RAB3GAP2: variants seen among roughly 807,000 people sequenced by gnomAD.
RAB3GAP2 encodes rab3 GTPase-activating protein non-catalytic subunit.
A neutral mutation model predicts 185.3 loss-of-function variants in RAB3GAP2; 87 were observed. The observed-to-expected ratio is 0.47, with a 90% CI of 0.39 to 0.56. RAB3GAP2 has a LOEUF of 0.56. RAB3GAP2 is among the 20% of genes least tolerant of loss of function. The pLI is 0.00. For missense variants in RAB3GAP2, 1,492 were observed against 1,638.2 expected (o/e 0.91, Z 1.54); for synonymous variants, 554 against 576.1 (o/e 0.96, Z 0.55).
At chr1:220,197,569 T>C (rs914959871) in intron 9 of RAB3GAP2, among the ~76,000 whole-genome samples, 1 of 152,246 alleles carries the variant, frequency 6.6e-6, no homozygotes, top group African/African-American at 2.4e-5. Context: ...GAATCCATGA[T>C]TCAGTATACA....
At position 220,150,388 on chromosome 1, in the gene RAB3GAP2, A is replaced by G. The variant is rs896617727; in HGVS notation, c.*863T>C. 4 of 152,194 alleles carry G rather than the reference A, an allele frequency of 2.6e-5. No individual in the cohort carries two copies. The highest frequency in any genetic ancestry group is 9.7e-5 in the African/African-American group (4 of 41,346). 9.4% of individuals were successfully genotyped at this position (152,194 alleles called of 1,614,324 possible). ...AGGACAGATAATATTAGCAAATCCC[A>G]GAAGCATTTCTAAACACTTGTAGGA... is the stretch of plus-strand genomic sequence containing the variant. On this transcript the variant is annotated 3_prime_UTR_variant, in exon 35 of 35. Transcript: ENST00000358951.
intron 31 of RAB3GAP2, among the ~76,000 whole-genome samples, chr1:220,156,409 G>C (rs555012425): frequency 6.6e-6 from 1 of 152,212 alleles, no homozygotes; most frequent in East Asian, 1.9e-4. Flanking sequence ...CACCTGCGTG[G>C]GGAAGGAAAG....
intron 12 of RAB3GAP2, 21 bp downstream of exon 12, chr1:220,195,057 T>C: frequency 6.2e-7 from 1 of 1,608,968 alleles, no homozygotes; most frequent in Non-Finnish European, 8.5e-7. Context: ...GACTAAAATT[T>C]GGGAAGCATG....
intron 14 of RAB3GAP2, among the ~76,000 whole-genome samples, chr1:220,190,727 A>G (rs1010244333): frequency 4.6e-5 from 7 of 151,970 alleles, no homozygotes; most frequent in African/African-American, 1.7e-4. Context: ...AATTAAATGA[A>G]CACAATCAGG....
rs144610211 is a variant in RAB3GAP2, at chr1:220,210,769, A to G, written c.510+32T>C. The G allele has an allele frequency of 8.6e-5, 136 of 1,579,850 alleles. No homozygotes were observed. In the African/African-American group the frequency reaches 1.4e-3, roughly 17 times the overall value. ...GCATAACCAGATATTGCAGTCAACT[A>G]GTGTTTTCCAGCTGTTGAAAACTCA... On this transcript the variant is annotated intron_variant, in intron 6 of 34. Transcript: ENST00000358951.
In RAB3GAP2 at chr1:220,171,981, T is replaced by C. The variant is rs1165049252; in HGVS notation, c.2485A>G (p.Ile829Val). 2.5e-6 allele frequency: 4 copies of C among 1,614,042 alleles called. No homozygotes were observed. The highest frequency in any genetic ancestry group is 3.4e-6 in the Non-Finnish European group (4 of 1,180,038). ...GCGGCTCCATTGTTCTCAGACTGAA[T>C]ACAGGCTGTGCGCATCTGCTGCCAC... is the stretch of plus-strand genomic sequence containing the variant. ...PWWQQMRTAC[I>V]QSENNGAALL... The change falls in exon 23 of 35, where the codon ATT becomes GTT. Residue 829 changes from isoleucine to valine, a missense_variant. Physicochemically the swap from Ile to Val is conservative, Grantham distance 29. This residue lies in a region of RAB3GAP2 where 681 missense variants were observed against 689.1 expected (regional missense o/e 0.99). Coordinates refer to ENST00000358951, the MANE Select transcript of RAB3GAP2 (RefSeq NM_012414.4).
At position 220,233,511 on chromosome 1, in the gene RAB3GAP2, A is replaced by T. The variant is rs201398736; in HGVS notation, c.116-648T>A. Among the ~76,000 whole-genome samples, 21 of 152,296 alleles carry T rather than the reference A, an allele frequency of 1.4e-4. No individual in the cohort carries two copies. The South Asian group carries it at 4.4e-3, about 32-fold the overall frequency. ...CAAGGTCCAGGTGACTGGTTTTTAC[A>T]TAGTCATCTTTTAATTTATCAGAAG... On this transcript the variant is annotated intron_variant, in intron 1 of 34. Coordinates refer to ENST00000358951, the MANE Select transcript of RAB3GAP2 (RefSeq NM_012414.4).
chr1:220,154,542 G>A (rs1657821534), intron 31 of RAB3GAP2: 1 of 157,528 alleles, frequency 6.3e-6, no homozygotes, highest in South Asian at 1.9e-4. Flanking sequence ...TGAGCTTTCA[G>A]ATGCAGCACC....
intron 33 of RAB3GAP2, among the ~76,000 whole-genome samples, chr1:220,152,753 C>T (rs775012072): frequency 6.6e-5 from 10 of 152,130 alleles, no homozygotes; most frequent in Non-Finnish European, 1.0e-4. Context: ...GACGGGGTCT[C>T]GCTATATTGC....
At chr1:220,160,797 C>T (rs555007163) in intron 28 of RAB3GAP2, among the ~76,000 whole-genome samples, 2 of 152,292 alleles carry the variant, frequency 1.3e-5, no homozygotes, top group Middle Eastern at 3.4e-3. Flanking sequence ...ATTTCCTCCT[C>T]TTCTGAGCTC....
chr1:220,175,364 G>A (rs920915134), intron 21 of RAB3GAP2, among the ~76,000 whole-genome samples: 3 of 151,992 alleles, frequency 2.0e-5, no homozygotes, highest in Non-Finnish European at 2.9e-5. Flanking sequence ...GACTACAGGC[G>A]CGAGCCACCA....
intron 1 of RAB3GAP2, among the ~76,000 whole-genome samples, chr1:220,260,721 C>A (rs1040067905): frequency 6.6e-6 from 1 of 152,090 alleles, no homozygotes; most frequent in Non-Finnish European, 1.5e-5. Flanking sequence ...CAAACCTGCA[C>A]ATCCTACACA....
At position 220,186,796 on chromosome 1, in the gene RAB3GAP2, T is replaced by A. The variant is rs193293116; in HGVS notation, c.1780-1055A>T. Among the ~76,000 whole-genome samples the A allele has an allele frequency of 3.5e-3, 531 of 152,292 alleles. 2 individuals carry two copies. Among genetic ancestry groups the A allele is most frequent in the African/African-American group, 0.012 (503 of 41,566 alleles). On this transcript the variant is annotated intron_variant, in intron 17 of 34. Coordinates refer to ENST00000358951, the MANE Select transcript of RAB3GAP2 (RefSeq NM_012414.4). ...AAGAAAATCAAGAAGACATTTTGCA[T>A]TATGCTGGTTTCCCAATTTTGTTGT...
At chr1:220,251,016 C>T (rs2102522541) in intron 1 of RAB3GAP2, among the ~76,000 whole-genome samples, 1 of 152,198 alleles carries the variant, frequency 6.6e-6, no homozygotes, top group Admixed American at 6.5e-5. Flanking sequence ...GAAACTGTCT[C>T]TACTAAGCAT....
intron 27 of RAB3GAP2, among the ~76,000 whole-genome samples, chr1:220,164,473 G>GTTTTTTTTTTTTTTTTTTTTTTTTT (rs35024056): frequency 9.5e-6 from 1 of 105,650 alleles, no homozygotes; most frequent in Non-Finnish European, 1.9e-5. Context: ...TTTTTGTTTT[G>GTTTTTTTTTTTTTTTTTTTTTTTTT]TTTTTTTTTT....
At chr1:220,266,395 AT>A (rs1391886401) in intron 1 of RAB3GAP2, 4 of 431,260 alleles carry the variant, frequency 9.3e-6, no homozygotes, top group African/African-American at 6.0e-5. Flanking sequence ...CAGACTCTGG[AT>A]TTGCCTCCTG....
chr1:220,253,713 T>C (rs1326631367), intron 1 of RAB3GAP2: 39 of 1,609,828 alleles, frequency 2.4e-5, no homozygotes, highest in Middle Eastern at 2.2e-4. Flanking sequence ...ATTACAGTGG[T>C]TGGAATAAAA....
chr1:220,189,513 TA>T (rs1195326424), intron 17 of RAB3GAP2, among the ~76,000 whole-genome samples, 189 bp downstream of exon 17: 24 of 73,460 alleles, frequency 3.3e-4, no homozygotes, highest in African/African-American at 1.3e-3. Flanking sequence ...GCATGAATAT[TA>T]ATTTTTTTTT....
chr1:220,205,661 C>G lies in RAB3GAP2; in HGVS notation c.712+246G>C, dbSNP rs542506293. Among the ~76,000 whole-genome samples, 7 of 152,208 alleles carry G rather than the reference C, an allele frequency of 4.6e-5. No homozygotes were observed. The South Asian group carries it at 1.5e-3, about 32-fold the overall frequency. On this transcript the variant is annotated intron_variant, in intron 8 of 34. Transcript: ENST00000358951. ...TACTGCTGAATTCGTGAAGAAAGCC[C>G]GGTGTTCCTGTGCTGACCACACTCT...
Sources: allele counts gnomAD v4.1 joint callset (sites outside exome capture counted in the v4.1 genomes callset), GRCh38; gene constraint gnomAD v4.1.1; regional missense constraint gnomAD v4.1.1; transcripts MANE v1.5; gene names NCBI Gene and HGNC (gene_info 2026-07-23, HGNC 2026-07-21).